GAK: variants seen among roughly 807,000 people sequenced by gnomAD.
The protein encoded by GAK is cyclin G associated kinase, also known as cyclin-G-associated kinase.
GAK carries 79 observed loss-of-function variants against 143.9 expected under a neutral mutation model. That is an observed-to-expected ratio of 0.55 (90% CI 0.46 to 0.66). The LOEUF (loss-of-function observed/expected upper bound fraction) is 0.66. GAK is among the 30% of genes least tolerant of loss of function. GAK has a pLI of 0.00. For synonymous variants in GAK, 881 were observed against 765.5 expected (o/e 1.15, Z -2.49); for missense variants, 1,693 against 1,779.7 (o/e 0.95, Z 0.88).
At chr4:911,934 GGA>G in intron 3 of GAK, 147 bp from the exon 4 acceptor site, 1 of 618,096 alleles carries the variant, frequency 1.6e-6, no homozygotes, top group South Asian at 1.7e-5. Context: ...GGAAGATGAG[GGA>G]GAGAGCAGTG....
chr4:865,187 A>G lies in GAK; in HGVS notation c.3101T>C (p.Leu1034Pro), dbSNP rs754796846. The G allele has an allele frequency of 5.0e-6, 8 of 1,613,352 alleles. No homozygotes were observed. Among genetic ancestry groups the G allele is most frequent in the Non-Finnish European group, 6.8e-6 (8 of 1,179,876 alleles). Reference sequence around the variant, plus strand: ...CTCGGTCCAGGCAGCCCATCCTCCCAGCAGGTCTGGGTTGCTGGACGAGGC... The same window carrying G: ...CTCGGTCCAGGCAGCCCATCCTCCCGGCAGGTCTGGGTTGCTGGACGAGGC... ...MTASSSNPDL[L>P]GGWAAWTETA... The change falls in exon 23 of 28, where the codon CTG becomes CCG. Residue 1034 changes from leucine (L) to proline (P), a missense_variant. Physicochemically the swap from Leu to Pro is moderately conservative, Grantham distance 98. This residue lies in a region of GAK where 822 missense variants were observed against 788.7 expected (regional missense o/e 1.04). Transcript: ENST00000314167.
At position 932,280 on chromosome 4, in the gene GAK, C is replaced by G; in HGVS notation, c.-93G>C. On this transcript the variant is annotated 5_prime_UTR_variant, in exon 1 of 28. Coordinates refer to ENST00000314167, the MANE Select transcript of GAK (RefSeq NM_005255.4). The surrounding 1 kb of genome is among the most constrained non-coding windows in gnomAD (Gnocchi z 4.0). ...CCGGGTCAGCTCAGCAACCGCCGGCCCGGAGGTGCACCATCTTCCGCCTCG... is the reference window on the plus strand; with the variant it reads ...CCGGGTCAGCTCAGCAACCGCCGGCGCGGAGGTGCACCATCTTCCGCCTCG... 2 of 1,409,090 alleles carry G rather than the reference C, an allele frequency of 1.4e-6. No individual in the cohort carries two copies. The highest frequency in any genetic ancestry group is 1.8e-6 in the Non-Finnish European group (2 of 1,090,404). The allele number at this position is 1,409,090 out of a possible 1,614,324, so 87.3% of individuals were successfully genotyped here.
At chr4:920,166 G>A (rs1480508349) in intron 1 of GAK, among the ~76,000 whole-genome samples, 1 of 151,918 alleles carries the variant, frequency 6.6e-6, no homozygotes, top group African/African-American at 2.4e-5. Context: ...AAATTAGCCC[G>A]GTATGGTGGC....
intron 13 of GAK, 52 bp downstream of exon 13, chr4:883,263 G>A: frequency 6.3e-7 from 1 of 1,597,346 alleles, no homozygotes; most frequent in East Asian, 2.2e-5. Context: ...CCCTGCACTG[G>A]AGCGGAAGGA....
rs778735060 is a variant in GAK at position 870,694 on chromosome 4, C to T, written c.2248+17G>A. On this transcript the variant is annotated intron_variant, in intron 19 of 27. Transcript: ENST00000314167. ...TCACCAGAACAGGGTTCACCTAATTCACCTGCGGGATCTTACCAAACTTAG... is the reference window on the plus strand; with the variant it reads ...TCACCAGAACAGGGTTCACCTAATTTACCTGCGGGATCTTACCAAACTTAG... 32 of 1,612,166 alleles carry T rather than the reference C, an allele frequency of 2.0e-5. No homozygotes were observed. The highest frequency in any genetic ancestry group is 2.5e-5 in the Non-Finnish European group (30 of 1,179,290).
intron 24 of GAK, chr4:852,296 C>T: frequency 2.5e-6 from 1 of 407,410 alleles, no homozygotes; most frequent in Non-Finnish European, 4.4e-6. Context: ...GCAGTGTCCC[C>T]ACGTCACCCC....
chr4:903,981 G>A (rs762327174), intron 5 of GAK, among the ~76,000 whole-genome samples: 43 of 152,242 alleles, frequency 2.8e-4, no homozygotes, highest in Non-Finnish European at 4.9e-4. Flanking sequence ...GAAAAGCAAC[G>A]TTTCTGGAAG....
intron 24 of GAK, chr4:853,798 ATTTTC>A (rs1748635547): frequency 8.5e-6 from 1 of 118,188 alleles, no homozygotes; most frequent in South Asian, 3.8e-4. Context: ...TCTCTTGCCC[ATTTTC>A]TTTTTTTTTT....
chr4:871,995 G>A (rs1265555079), intron 18 of GAK, among the ~76,000 whole-genome samples: 1 of 152,150 alleles, frequency 6.6e-6, no homozygotes, highest in African/African-American at 2.4e-5. Flanking sequence ...AAAGAGTGGC[G>A]GCCAGTTCCT....
At chr4:906,095 G>A (rs1036401924) in intron 4 of GAK, among the ~76,000 whole-genome samples, 7 of 152,264 alleles carry the variant, frequency 4.6e-5, no homozygotes, top group East Asian at 3.9e-4. Context: ...CTGGCGTGCC[G>A]TTAACATGAG....
In GAK at chr4:876,517, G is replaced by C. The variant is rs372772306; in HGVS notation, c.2054+13C>G. 1.2e-6 allele frequency: 2 copies of C among 1,612,038 alleles called. No homozygotes were observed. The highest frequency in any genetic ancestry group is 1.7e-5 in the Admixed American group (1 of 60,016). On this transcript the variant is annotated intron_variant, in intron 18 of 27. Transcript: ENST00000314167. ...CTGTCCCTCCCCACCGAGCACAAGC[G>C]GTACCAACGTACTTGGCAAATTTCA...
At chr4:879,548 T>G (rs1220464641) in intron 15 of GAK, among the ~76,000 whole-genome samples, 2 of 152,198 alleles carry the variant, frequency 1.3e-5, no homozygotes, top group Non-Finnish European at 2.9e-5. Flanking sequence ...GCTGACATCT[T>G]TCTTTTTGTA....
rs200910077 is a variant in GAK at position 893,404 on chromosome 4, G to A, written c.963C>T (p.Asn321=). ...CTGTGATGGGAGACTTGGGGTTCAC[G>A]TTGCGGGCGGCCGCGATCTCCTGCA... ...HQLQEIAAAR[N]VNPKSPITEL... The change falls in exon 9 of 28, where the codon AAC becomes AAT. Residue 321 remains asparagine, a synonymous_variant. Coordinates refer to ENST00000314167, the MANE Select transcript of GAK (RefSeq NM_005255.4). The A allele has an allele frequency of 1.0e-4, 161 of 1,588,198 alleles. No homozygotes were observed. Among genetic ancestry groups the A allele is most frequent in the Non-Finnish European group, 1.3e-4 (152 of 1,167,372 alleles).
rs577384890 is a variant in GAK, at chr4:909,763, C to A, written c.382+1910G>T. On this transcript the variant is annotated intron_variant, in intron 4 of 27. Coordinates refer to ENST00000314167, the MANE Select transcript of GAK (RefSeq NM_005255.4). ...GGACACGCTCAAGTCTGGGGAACCCCATGAGCAGGAAGTGGACAATGGACG... is the reference window on the plus strand; with the variant it reads ...GGACACGCTCAAGTCTGGGGAACCCAATGAGCAGGAAGTGGACAATGGACG... 1.3e-4 allele frequency among the ~76,000 whole-genome samples: 20 copies of A among 152,336 alleles called. No homozygotes were observed. The East Asian group carries it at 3.3e-3, about 25-fold the overall frequency.
intron 20 of GAK, among the ~76,000 whole-genome samples, chr4:867,696 G>C (rs1751468420): frequency 6.6e-6 from 1 of 152,106 alleles, no homozygotes; most frequent in East Asian, 1.9e-4. Context: ...AGGAACACCA[G>C]GGTCCCCACG....
chr4:898,771 G>C (rs1719295708), intron 5 of GAK, among the ~76,000 whole-genome samples: 1 of 152,170 alleles, frequency 6.6e-6, no homozygotes. Flanking sequence ...GCTGAGGCAG[G>C]AGAATCGCTT....
intron 18 of GAK, 34 bp from the exon 19 acceptor site, chr4:870,938 C>CT: frequency 6.4e-7 from 1 of 1,562,812 alleles, no homozygotes; most frequent in Non-Finnish European, 8.7e-7. Flanking sequence ...TTAGGAAGGC[C>CT]ACCCAAGTAG....
chr4:875,948 A>C (rs899665641), intron 18 of GAK, among the ~76,000 whole-genome samples: 2 of 152,216 alleles, frequency 1.3e-5, no homozygotes, highest in African/African-American at 2.4e-5. Context: ...CTCAAAAAAA[A>C]AGACAGACCT....
At chr4:881,799 A>G (rs1715163412) in intron 15 of GAK, 108 bp downstream of exon 15, 26 of 1,322,342 alleles carry the variant, frequency 2.0e-5, no homozygotes, top group Non-Finnish European at 2.3e-5. Flanking sequence ...CTTTCCCACC[A>G]GCGCCTGCAG....
Sources: gnomAD v4.1 joint callset for allele counts (sites outside exome capture counted in the v4.1 genomes callset) on GRCh38, gnomAD v4.1.1 for gene constraint, gnomAD v4.1.1 regional missense constraint, Gnocchi (gnomAD v3.1) non-coding constraint, MANE v1.5 for transcripts, NCBI Gene and HGNC (gene_info 2026-07-23, HGNC 2026-07-21) for gene names.